INTS11: variants seen among roughly 807,000 people sequenced by gnomAD.
INTS11 encodes the protein CPSF3-like protein.
INTS11 carries 77 observed loss-of-function variants against 78.6 expected under a neutral mutation model. The observed-to-expected ratio is 0.98, with a 90% CI of 0.81 to 1.18. The LOEUF (loss-of-function observed/expected upper bound fraction) is 1.18, where lower values mean the gene tolerates loss of function less well. Ranked by LOEUF, INTS11 falls within the 50% of genes most tolerant of loss-of-function variation. The pLI, the probability that INTS11 is intolerant of heterozygous loss-of-function variation, is 0.00. For missense variants in INTS11, 875 were observed against 825.9 expected (o/e 1.06, Z -0.73); for synonymous variants, 441 against 326.9 (o/e 1.35, Z -3.77).
chr1:1,324,652 A>C lies in INTS11; in HGVS notation c.-44T>G. The C allele has an allele frequency of 6.3e-7, 1 of 1,593,092 alleles. No individual in the cohort carries two copies. The highest frequency in any genetic ancestry group is 8.5e-7 in the Non-Finnish European group (1 of 1,171,092). ...GGACCCGCGAGGCCCGCCTGCGGTG[A>C]TGCACTGCGCAGGCGCAACCACCTC... On this transcript the variant is annotated 5_prime_UTR_variant, in exon 1 of 17. Coordinates refer to ENST00000435064, the MANE Select transcript of INTS11 (RefSeq NM_017871.6).
In INTS11 at chr1:1,312,390, G is replaced by C. The variant is rs768964359; in HGVS notation, c.1465-22C>G. Reference sequence around the variant, plus strand: ...AGTTCTGTGGGGCAGGGACAGGTCAGTGAGCGCAGCAGCGGCCCTCCCCCC... The same window carrying C: ...AGTTCTGTGGGGCAGGGACAGGTCACTGAGCGCAGCAGCGGCCCTCCCCCC... On this transcript the variant is annotated intron_variant, in intron 14 of 16. Transcript: ENST00000435064. 3.2e-6 allele frequency: 5 copies of C among 1,566,832 alleles called. No individual in the cohort carries two copies. The East Asian group carries it at 1.2e-4, about 37-fold the overall frequency.
Position 1,312,750 on chromosome 1 carries a change from C to A in INTS11, c.1294+37G>T, listed in dbSNP as rs1236675532. The stretch of plus-strand genomic sequence containing the variant: ...CTCAGCCCAGGCTGCCCGTGCTGAC[C>A]CGAGGTGGGCCCCACGCCGCCCGCC... On this transcript the variant is annotated intron_variant, in intron 12 of 16. Transcript: ENST00000435064. 5 of 1,595,756 alleles carry A rather than the reference C, an allele frequency of 3.1e-6. No individual in the cohort carries two copies. In the African/African-American group the frequency reaches 6.7e-5, roughly 21 times the overall value.
At chr1:1,319,839 T>G (rs1570735170) in intron 3 of INTS11, 1 of 350,110 alleles carries the variant, frequency 2.9e-6, no homozygotes, top group South Asian at 3.8e-5. Flanking sequence ...ACAGGCTGAG[T>G]GGAGCTGCAG....
intron 6 of INTS11, chr1:1,315,192 G>A (rs768810768): frequency 5.8e-4 from 423 of 726,476 alleles, no homozygotes; most frequent in Admixed American, 2.9e-3. Context: ...CCCACCCAGA[G>A]ACTTGGGAAG....
chr1:1,313,503 C>CCTCACCATGTT lies in INTS11; in HGVS notation c.1036_1041+5dup, dbSNP rs1557632355. 1 of 1,613,016 alleles carries CCTCACCATGTT rather than the reference C, an allele frequency of 6.2e-7. No homozygotes were observed. The highest frequency in any genetic ancestry group is 1.1e-5 in the South Asian group (1 of 91,090). ...TCCAGATTCCCACACCTCACCATGCCCTCACCATGTTCTTTTCGTTTCCGG... is the reference window on the plus strand; with the variant it reads ...TCCAGATTCCCACACCTCACCATGCCCTCACCATGTTCTCACCATGTTCTTTTCGTTTCCGG... On this transcript the variant is annotated splice_donor_region_variant and intron_variant, in intron 10 of 16. Transcript: ENST00000435064.
At chr1:1,319,627 C>T in intron 3 of INTS11, 103 bp from the exon 4 acceptor site, 1 of 747,168 alleles carries the variant, frequency 1.3e-6, no homozygotes, top group Non-Finnish European at 2.1e-6. Context: ...CTGCTGTGCG[C>T]CAGGCCTCAT....
rs1642432377 is a variant in INTS11 at position 1,314,215 on chromosome 1, G to A, written c.767+86C>T. On this transcript the variant is annotated intron_variant, in intron 8 of 16. Transcript: ENST00000435064. The surrounding 1 kb of genome is among the most constrained non-coding windows in gnomAD (Gnocchi z 4.2). ...CAGCAAGCAGGGCCAAGATGCCACC[G>A]CTACGCTGGACAGGGCTGCCCACCA... The A allele has an allele frequency of 8.6e-6, 11 of 1,272,316 alleles. No individual in the cohort carries two copies. The highest frequency in any genetic ancestry group is 4.0e-5 in the Admixed American group (2 of 50,578). 78.8% of individuals were successfully genotyped at this position (1,272,316 alleles called of 1,614,324 possible).
At chr1:1,323,140 T>A (rs1460598674) in intron 1 of INTS11, 1 of 1,548,250 alleles carries the variant, frequency 6.5e-7, no homozygotes, top group South Asian at 1.2e-5. Context: ...CAGCACAGTG[T>A]CCACACCGGG....
At chr1:1,323,639 G>T (rs1394000319) in intron 1 of INTS11, among the ~76,000 whole-genome samples, 1 of 150,968 alleles carries the variant, frequency 6.6e-6, no homozygotes, top group Non-Finnish European at 1.5e-5. Context: ...TTGAACTCCT[G>T]GGCTCAAGCG....
chr1:1,319,225 G>C, intron 4 of INTS11, 71 bp downstream of exon 4: 2 of 1,310,834 alleles, frequency 1.5e-6, no homozygotes, highest in South Asian at 2.4e-5. Flanking sequence ...AAACTGTGTA[G>C]AACGGGCGGA....
In INTS11 at chr1:1,312,430, T is replaced by C; in HGVS notation, c.1464+10A>G. ...GCCCTCCCCCCTCCAGAGACCGTCC[T>C]GGCACTCACGCTGTCCTTCATGATC... is the stretch of plus-strand genomic sequence containing the variant. On this transcript the variant is annotated intron_variant, in intron 14 of 16. Coordinates refer to ENST00000435064, the MANE Select transcript of INTS11 (RefSeq NM_017871.6). The C allele has an allele frequency of 5.1e-6, 8 of 1,566,722 alleles. No individual in the cohort carries two copies. The highest frequency in any genetic ancestry group is 6.9e-6 in the Non-Finnish European group (8 of 1,156,174).
Position 1,313,110 on chromosome 1 carries a change from G to C in INTS11, c.1056C>G (p.Gly352=). 1 of 1,607,792 alleles carries C rather than the reference G, an allele frequency of 6.2e-7. No individual in the cohort carries two copies. The highest frequency in any genetic ancestry group is 8.5e-7 in the Non-Finnish European group (1 of 1,179,660). The change falls in exon 11 of 17, where the codon GGC becomes GGG. Residue 352 remains glycine (G), a synonymous_variant. Transcript: ENST00000435064. The stretch of plus-strand genomic sequence containing the variant: ...GGCCGACGGTGCCCTGCACGCAGTA[G>C]CCGGGCATGATGACCTGGGGGCAGG... ...GNEKNMVIMP[G]YCVQGTVGHK...
chr1:1,323,305 G>T, intron 1 of INTS11: 1 of 1,543,312 alleles, frequency 6.5e-7, no homozygotes, highest in South Asian at 1.2e-5. Context: ...AAACGCTAAG[G>T]ACATCAGGAT....
Position 1,312,667 on chromosome 1 carries a change from G to A in INTS11, c.1328C>T (p.Thr443Met), listed in dbSNP as rs748015471. The change falls in exon 13 of 17, where the codon ACG (threonine) becomes ATG (methionine). Residue 443 changes from threonine to methionine, a missense_variant. Thr to Met is a moderately conservative substitution (Grantham distance 81). Transcript: ENST00000435064. ...VNCYMPANGE[T>M]VTLPTSPSIP... ...GCTGGGGCTTGTGGGCAGCGTCACC[G>A]TCTCGCCATTGGCCGGCATGTAGCA... 6.9e-5 allele frequency: 110 copies of A among 1,595,738 alleles called. No homozygotes were observed. The highest frequency in any genetic ancestry group is 3.1e-4 in the Admixed American group (18 of 58,938).
rs1460168043 is a variant in INTS11, at chr1:1,313,042, C to T, written c.1124G>A (p.Arg375Gln). The T allele has an allele frequency of 5.0e-6, 8 of 1,610,958 alleles. No individual in the cohort carries two copies. The highest frequency in any genetic ancestry group is 2.2e-5 in the East Asian group (1 of 44,864). Residue 375 changes from arginine (R) to glutamine (Q), a missense_variant, in exon 11 of 17, where the codon CGG becomes CAG. Physicochemically the swap from Arg to Gln is conservative, Grantham distance 43. Transcript: ENST00000435064. The stretch of plus-strand genomic sequence containing the variant: ...TGCGGGGTCGAGACTCACCACCTGC[C>T]GCCCCTCCATCTCGAGCTTCCGCTG... ...SGQRKLEMEG[R>Q]QVLEVKMQVE...
chr1:1,312,876 A>C lies in INTS11; in HGVS notation c.1205T>G (p.Val402Gly). 1 of 1,612,360 alleles carries C rather than the reference A, an allele frequency of 6.2e-7. No individual in the cohort carries two copies. The highest frequency in any genetic ancestry group is 1.1e-5 in the South Asian group (1 of 91,082). The change falls in exon 12 of 17, where the codon GTG (valine) becomes GGG (glycine). Residue 402 changes from valine to glycine, a missense_variant. Transcript: ENST00000435064. ...HADAKGIMQL[V>G]GQAEPESVLL... ...CACGCTCTCCGGCTCTGCCTGGCCCACCAGCTGCATGATGCCCTTGGCGTC... is the reference window on the plus strand; with the variant it reads ...CACGCTCTCCGGCTCTGCCTGGCCCCCCAGCTGCATGATGCCCTTGGCGTC...
At position 1,314,199 on chromosome 1, in the gene INTS11, G is replaced by A. The variant is rs1337676947; in HGVS notation, c.767+102C>T. 3.5e-6 allele frequency: 4 copies of A among 1,150,312 alleles called. No homozygotes were observed. The highest frequency in any genetic ancestry group is 5.1e-6 in the Non-Finnish European group (4 of 783,008). The allele number at this position is 1,150,312 out of a possible 1,614,324, so 71.3% of individuals were successfully genotyped here. A position where few individuals can be genotyped will look rare whatever the true frequency, so the allele number is the denominator to read the frequency against. On this transcript the variant is annotated intron_variant, in intron 8 of 16. Coordinates refer to ENST00000435064, the MANE Select transcript of INTS11 (RefSeq NM_017871.6). This position sits in a 1 kb window ranked among gnomAD's most constrained non-coding sequence, Gnocchi z 4.2. Reference sequence around the variant, plus strand: ...CGGCCCCCCAGGACAGCAGCAAGCAGGGCCAAGATGCCACCGCTACGCTGG... The same window carrying A: ...CGGCCCCCCAGGACAGCAGCAAGCAAGGCCAAGATGCCACCGCTACGCTGG...
intron 16 of INTS11, 46 bp downstream of exon 16, chr1:1,311,972 T>C (rs758875060): frequency 6.3e-6 from 10 of 1,595,242 alleles, no homozygotes; most frequent in South Asian, 1.1e-5. Context: ...CAGGGAGGAA[T>C]GTTGATACCT....
chr1:1,320,357 G>A, intron 3 of INTS11, 99 bp downstream of exon 3: 3 of 1,112,484 alleles, frequency 2.7e-6, no homozygotes, highest in Admixed American at 1.8e-5. Context: ...GATCAAGGAT[G>A]GCACAGGCCC....
Sources: allele counts gnomAD v4.1 joint callset (sites outside exome capture counted in the v4.1 genomes callset), GRCh38; gene constraint gnomAD v4.1.1; non-coding constraint Gnocchi (gnomAD v3.1); transcripts MANE v1.5; gene names NCBI Gene and HGNC (gene_info 2026-07-23, HGNC 2026-07-21).